GPC6: variants seen among roughly 807,000 people sequenced by gnomAD.
GPC6 encodes glypican-6.
GPC6 carries 14 observed loss-of-function variants against 55.2 expected under a neutral mutation model. The observed-to-expected ratio is 0.25, with a 90% CI of 0.17 to 0.40. The LOEUF (loss-of-function observed/expected upper bound fraction) is 0.40. Ranked by LOEUF, GPC6 falls within the 10% of genes least tolerant of loss-of-function variation. The pLI, the probability that GPC6 is intolerant of heterozygous loss-of-function variation, is 1.00. For missense variants in GPC6, 641 were observed against 708.5 expected (o/e 0.90, Z 1.08); for synonymous variants, 278 against 259.6 (o/e 1.07, Z -0.68).
intron 4 of GPC6, among the ~76,000 whole-genome samples, chr13:94,271,556 C>T (rs746371801): frequency 1.4e-4 from 22 of 152,110 alleles, no homozygotes; most frequent in Non-Finnish European, 2.5e-4. Context: ...CAAGTTATTT[C>T]CCTTCTAGGG....
At chr13:94,240,255 G>T (rs576490090) in intron 4 of GPC6, among the ~76,000 whole-genome samples, 1 of 152,082 alleles carries the variant, frequency 6.6e-6, no homozygotes, top group Non-Finnish European at 1.5e-5. Context: ...ATAGGCAACC[G>T]CCCTGGGGCT....
At chr13:94,390,980 A>C (rs57039217) in intron 7 of GPC6, among the ~76,000 whole-genome samples, 2,120 of 152,204 alleles carry the variant, frequency 0.014, 52 homozygotes, top group African/African-American at 0.049. Flanking sequence ...CTGGCTCGTG[A>C]GTCTTTTTTT....
At chr13:93,301,458 C>T (rs76183326) in intron 1 of GPC6, among the ~76,000 whole-genome samples, 2,351 of 152,274 alleles carry the variant, frequency 0.015, 57 homozygotes, top group African/African-American at 0.054. Flanking sequence ...CTTCATAGTT[C>T]CCAGAGTTAC....
At chr13:93,874,120 A>G (rs1376577705) in intron 3 of GPC6, among the ~76,000 whole-genome samples, 1 of 152,062 alleles carries the variant, frequency 6.6e-6, no homozygotes, top group South Asian at 2.1e-4. Context: ...AACTCATGTC[A>G]CAGGGGCTTG....
chr13:93,319,077 G>A (rs1879341465), intron 1 of GPC6, among the ~76,000 whole-genome samples: 1 of 151,888 alleles, frequency 6.6e-6, no homozygotes, highest in African/African-American at 2.4e-5. Flanking sequence ...CTGGCAGACT[G>A]GCCTATAACT....
intron 1 of GPC6, among the ~76,000 whole-genome samples, chr13:93,314,501 A>C (rs867234318): frequency 1.0e-3 from 159 of 152,136 alleles, no homozygotes; most frequent in African/African-American, 3.5e-3. Flanking sequence ...TGTTTTTCAC[A>C]CTCCAACCGC....
At chr13:93,275,411 T>C (rs1266375152) in intron 1 of GPC6, among the ~76,000 whole-genome samples, 1 of 152,016 alleles carries the variant, frequency 6.6e-6, no homozygotes, top group African/African-American at 2.4e-5. Flanking sequence ...ATACTATGTT[T>C]GACTAGATAG....
intron 3 of GPC6, among the ~76,000 whole-genome samples, chr13:94,025,785 C>T (rs1882873428): frequency 6.6e-6 from 1 of 152,072 alleles, no homozygotes; most frequent in African/African-American, 2.4e-5. Context: ...TAAAGAAAGG[C>T]CAATTATATT....
intron 3 of GPC6, among the ~76,000 whole-genome samples, chr13:93,904,272 T>C (rs1207205767): frequency 2.0e-5 from 3 of 152,140 alleles, no homozygotes; most frequent in Non-Finnish European, 4.4e-5. Context: ...AGTAGAACTG[T>C]AGACAAAAAC....
chr13:93,771,284 G>T lies in GPC6; in HGVS notation c.320-58870G>T, dbSNP rs150778336. 1.8e-4 allele frequency among the ~76,000 whole-genome samples: 28 copies of T among 152,288 alleles called. No individual in the cohort carries two copies. In the East Asian group the frequency reaches 1.9e-3, roughly 11 times the overall value. ...AAGCCTGAGCACTTTACTGGATCAC[G>T]CTTCCTTCCTCGGTGAAAGGCTTCC... On this transcript the variant is annotated intron_variant, in intron 2 of 8. Transcript: ENST00000377047.
At chr13:93,756,410 G>A (rs994344316) in intron 2 of GPC6, among the ~76,000 whole-genome samples, 6 of 152,174 alleles carry the variant, frequency 3.9e-5, no homozygotes, top group Admixed American at 1.3e-4. Context: ...ATGTACTTCC[G>A]GACATGCTGG....
chr13:93,731,339 C>T (rs983055279), intron 2 of GPC6, among the ~76,000 whole-genome samples: 5 of 152,082 alleles, frequency 3.3e-5, no homozygotes, highest in Non-Finnish European at 7.4e-5. Flanking sequence ...TGCTCCTCAC[C>T]GTGGCAATGA....
intron 3 of GPC6, among the ~76,000 whole-genome samples, chr13:93,839,097 A>G (rs1441052831): frequency 6.6e-6 from 1 of 152,172 alleles, no homozygotes; most frequent in Non-Finnish European, 1.5e-5. Flanking sequence ...TGTGGCAGAT[A>G]GTTAAGTGGA....
intron 1 of GPC6, among the ~76,000 whole-genome samples, chr13:93,467,207 TA>T (rs1878936422): frequency 6.6e-6 from 1 of 152,196 alleles, no homozygotes; most frequent in South Asian, 2.1e-4. Flanking sequence ...GATAACCTTA[TA>T]AAAGTGGTAC....
At chr13:93,998,331 C>T (rs2140422108) in intron 3 of GPC6, among the ~76,000 whole-genome samples, 1 of 152,184 alleles carries the variant, frequency 6.6e-6, no homozygotes, top group East Asian at 1.9e-4. Flanking sequence ...TTATTAATGG[C>T]CATCTTTAAC....
chr13:93,523,448 C>T (rs1235098160), intron 1 of GPC6, among the ~76,000 whole-genome samples: 1 of 32,552 alleles, frequency 3.1e-5, no homozygotes, highest in African/African-American at 1.2e-4. Context: ...TTTACACACA[C>T]ACACATACAC....
At chr13:93,303,079 A>G (rs945681450) in intron 1 of GPC6, among the ~76,000 whole-genome samples, 1 of 152,248 alleles carries the variant, frequency 6.6e-6, no homozygotes, top group Non-Finnish European at 1.5e-5. Flanking sequence ...CTGTATAACC[A>G]TAGACTGTTA....
intron 1 of GPC6, among the ~76,000 whole-genome samples, chr13:93,432,430 G>A (rs962698332): frequency 6.6e-6 from 1 of 152,160 alleles, no homozygotes; most frequent in Non-Finnish European, 1.5e-5. Context: ...CATGAAGGGT[G>A]CAGATGGTGA....
At chr13:93,726,877 C>T (rs1203325023) in intron 2 of GPC6, among the ~76,000 whole-genome samples, 1 of 152,074 alleles carries the variant, frequency 6.6e-6, no homozygotes, top group African/African-American at 2.4e-5. Flanking sequence ...TTAGCATGCT[C>T]AGTGTAAGGG....
Sources: gnomAD v4.1 joint callset for allele counts (sites outside exome capture counted in the v4.1 genomes callset) on GRCh38, gnomAD v4.1.1 for gene constraint, MANE v1.5 for transcripts, NCBI Gene and HGNC (gene_info 2026-07-23, HGNC 2026-07-21) for gene names.